Variants in HPS5 observed in about 807,000 individuals in gnomAD.
The protein encoded by HPS5 is BLOC-2 complex member HPS5.
A neutral mutation model predicts 128.0 loss-of-function variants in HPS5; 83 were observed. That is an observed-to-expected ratio of 0.65 (90% confidence interval 0.54 to 0.78). The LOEUF (loss-of-function observed/expected upper bound fraction) is 0.78. Ranked by LOEUF, HPS5 falls within the 30% of genes least tolerant of loss-of-function variation. The pLI is 0.00. For synonymous variants in HPS5, 475 were observed against 470.2 expected (o/e 1.01, Z -0.13); for missense variants, 1,281 against 1,326.2 (o/e 0.97, Z 0.53).
intron 8 of HPS5, among the ~76,000 whole-genome samples, chr11:18,302,752 G>A (rs1374203077): frequency 7.4e-6 from 1 of 134,510 alleles, no homozygotes; most frequent in African/African-American, 2.8e-5. Context: ...TAAAATGCAA[G>A]AAATGGTCAG....
At chr11:18,301,452 C>G (rs1437064204) in intron 8 of HPS5, among the ~76,000 whole-genome samples, 4 of 79,514 alleles carry the variant, frequency 5.0e-5, no homozygotes, top group Non-Finnish European at 8.7e-5. Context: ...GTGACTCTGT[C>G]TCAAAAAAAA....
rs1006174484 is a variant in HPS5, at chr11:18,311,998, T to C, written c.135A>G (p.Lys45=). The C allele has an allele frequency of 1.9e-6, 3 of 1,613,952 alleles. No homozygotes were observed. The highest frequency in any genetic ancestry group is 2.5e-6 in the Non-Finnish European group (3 of 1,179,872). The stretch of plus-strand genomic sequence containing the variant: ...CTCCTGAACTGCCCAAAGCCAACCA[T>C]TTCCGAGACACAGCTATGCTCGTGC... The part of the protein sequence containing the change: ...LKCTSIAVSR[K]WLALGSSGGG... Residue 45 remains lysine (K), a synonymous_variant, in exon 3 of 23, where the codon AAA becomes AAG. Transcript: ENST00000349215.
intron 5 of HPS5, 132 bp downstream of exon 5, chr11:18,310,609 A>T: frequency 2.7e-6 from 2 of 754,128 alleles, no homozygotes; most frequent in Non-Finnish European, 4.4e-6. Flanking sequence ...GTCTCCTCAA[A>T]ATCTCCAGGT....
At chr11:18,312,468 G>A (rs1863125033) in intron 2 of HPS5, among the ~76,000 whole-genome samples, 2 of 152,218 alleles carry the variant, frequency 1.3e-5, no homozygotes, top group Non-Finnish European at 2.9e-5. Context: ...TAGGGTAGGT[G>A]AGACTCCATC....
In HPS5 at chr11:18,297,454, A is replaced by G. The variant is rs1314918245; in HGVS notation, c.1323+105T>C. 2.8e-6 allele frequency: 3 copies of G among 1,088,372 alleles called. No homozygotes were observed. In the Admixed American group the frequency reaches 6.0e-5, roughly 22 times the overall value. 67.4% of individuals were successfully genotyped at this position (1,088,372 alleles called of 1,614,324 possible). On this transcript the variant is annotated intron_variant, in intron 11 of 22. Coordinates refer to ENST00000349215, the MANE Select transcript of HPS5 (RefSeq NM_181507.2). The stretch of plus-strand genomic sequence containing the variant: ...AGTTCACCCCTTCCCACCAAAAAAC[A>G]TAAATGGAAAGGACAACAAATTTGG...
chr11:18,302,085 C>G (rs1237890528), intron 8 of HPS5, among the ~76,000 whole-genome samples: 1 of 151,984 alleles, frequency 6.6e-6, no homozygotes, highest in Admixed American at 6.6e-5. Flanking sequence ...TAACCCCAAG[C>G]AGAAGCCAAC....
intron 1 of HPS5, among the ~76,000 whole-genome samples, chr11:18,321,156 A>T (rs943501442): frequency 3.5e-4 from 54 of 152,358 alleles, no homozygotes; most frequent in African/African-American, 1.2e-3. Flanking sequence ...AAATTTAAAA[A>T]ATATATACAT....
rs1301611688 is a variant in HPS5, at chr11:18,317,808, C to T, written c.51G>A (p.Glu17=). The change falls in exon 2 of 23, where the codon GAG becomes GAA. Residue 17 remains glutamate (E), a synonymous_variant. Coordinates refer to ENST00000349215, the MANE Select transcript of HPS5 (RefSeq NM_181507.2). ...AGAGTAATGGATCCAGAGATTCAAA[C>T]TCTGCAAGAACATGGCTGTAGGACT... The part of the protein sequence containing the change: ...IPESYSHVLA[E]FESLDPLLSA... 3 of 1,613,904 alleles carry T rather than the reference C, an allele frequency of 1.9e-6. No homozygotes were observed. Among genetic ancestry groups the T allele is most frequent in the Non-Finnish European group, 2.5e-6 (3 of 1,179,910 alleles).
intron 8 of HPS5, among the ~76,000 whole-genome samples, chr11:18,303,164 A>G (rs1564962004): frequency 6.6e-6 from 1 of 152,232 alleles, no homozygotes; most frequent in Non-Finnish European, 1.5e-5. Flanking sequence ...TGTACGAATG[A>G]AAAACATAAA....
chr11:18,285,034 A>G (rs1859524303), intron 20 of HPS5, among the ~76,000 whole-genome samples: 2 of 152,102 alleles, frequency 1.3e-5, no homozygotes. Flanking sequence ...TCTATCAATT[A>G]TAATTGGTAT....
chr11:18,288,534 G>C (rs1243247082), intron 16 of HPS5, among the ~76,000 whole-genome samples: 3 of 151,822 alleles, frequency 2.0e-5, no homozygotes, highest in African/African-American at 7.3e-5. Context: ...TTTTGGAATA[G>C]CCAAAAGTCA....
Position 18,318,410 on chromosome 11 carries a change from CA to C in HPS5, c.-49-504del, listed in dbSNP as rs1245229368. ...CACTAGACTTCTCTCTTCAACCGAG[CA>C]GGGGCTTAGTAAGTATGGTGAATGA... On this transcript the variant is annotated intron_variant, in intron 1 of 22. Transcript: ENST00000349215. Among the ~76,000 whole-genome samples, 9 of 152,134 alleles carry C rather than the reference CA, an allele frequency of 5.9e-5. No individual in the cohort carries two copies. In the East Asian group the frequency reaches 1.7e-3, roughly 29 times the overall value.
In HPS5 at chr11:18,306,101, T is replaced by G. The variant is rs7122032; in HGVS notation, c.824+34A>C. 158,184 of 1,434,014 alleles carry G rather than the reference T, an allele frequency of 0.11. 9,904 individuals are homozygous for G. The highest frequency in any genetic ancestry group is 0.19 in the Admixed American group (11,499 of 59,794). 88.8% of individuals were successfully genotyped at this position (1,434,014 alleles called of 1,614,324 possible). A position where few individuals can be genotyped will look rare whatever the true frequency, so the allele number is the denominator to read the frequency against. On this transcript the variant is annotated intron_variant, in intron 7 of 22. Coordinates refer to ENST00000349215, the MANE Select transcript of HPS5 (RefSeq NM_181507.2). ...CACCGAACCTCTATATAGAAGCTCT[T>G]CAAACAATCCCAACCAGCCATACAA... is the stretch of plus-strand genomic sequence containing the variant.
At chr11:18,315,656 T>A (rs1863540016) in intron 2 of HPS5, among the ~76,000 whole-genome samples, 4 of 151,622 alleles carry the variant, frequency 2.6e-5, no homozygotes. Context: ...AAAAGAAAGC[T>A]TCCTTCCAAA....
intron 9 of HPS5, 22 bp from the exon 10 acceptor site, chr11:18,298,992 A>G (rs759237394): frequency 1.9e-6 from 3 of 1,612,246 alleles, no homozygotes; most frequent in Non-Finnish European, 2.5e-6. Context: ...ACAGGTGTGA[A>G]CATACAAAAT....
Position 18,287,659 on chromosome 11 carries a change from G to T in HPS5, c.2593C>A (p.Arg865=). ...LYEKFGESAL[R]SLIKFFPSIL... is the part of the protein sequence containing the mutation. Reference sequence around the variant, plus strand: ...GATGGAAAGAACTTGATTAAGGATCGAAGAGCAGACTCCCCAAACTTTTCA... The same window carrying T: ...GATGGAAAGAACTTGATTAAGGATCTAAGAGCAGACTCCCCAAACTTTTCA... Residue 865 remains arginine (R), a synonymous_variant, in exon 18 of 23, where the codon CGA becomes AGA. Transcript: ENST00000349215. 1 of 1,614,136 alleles carries T rather than the reference G, an allele frequency of 6.2e-7. No individual in the cohort carries two copies. The highest frequency in any genetic ancestry group is 8.5e-7 in the Non-Finnish European group (1 of 1,180,010).
chr11:18,321,453 C>A lies in HPS5; in HGVS notation c.-50+493G>T, dbSNP rs186832423. On this transcript the variant is annotated intron_variant, in intron 1 of 22. Coordinates refer to ENST00000349215, the MANE Select transcript of HPS5 (RefSeq NM_181507.2). ...CAAAAACTAAGAACATAGAAGTTGG[C>A]GACAAATGCTTAACCAAAGTAAATG... is the stretch of plus-strand genomic sequence containing the variant. 1.7e-3 allele frequency among the ~76,000 whole-genome samples: 266 copies of A among 152,256 alleles called. 1 individual carries two copies. Among genetic ancestry groups the A allele is most frequent in the Non-Finnish European group, 3.1e-3 (213 of 68,026 alleles).
intron 22 of HPS5, among the ~76,000 whole-genome samples, chr11:18,280,146 C>T (rs1486401202): frequency 1.3e-5 from 2 of 152,074 alleles, no homozygotes; most frequent in African/African-American, 4.8e-5. Flanking sequence ...GGTTAATATC[C>T]AGAATATCAG....
In HPS5 at chr11:18,279,439, A is replaced by T. The variant is rs74602396; in HGVS notation, c.*443T>A. ...TTCAGTAATTTCCATATTGTGCCAG[A>T]CAAGATATAAAAATAATTCAACTCC... On this transcript the variant is annotated 3_prime_UTR_variant, in exon 23 of 23. Coordinates refer to ENST00000349215, the MANE Select transcript of HPS5 (RefSeq NM_181507.2). 0.024 allele frequency: 4,200 copies of T among 178,604 alleles called. 145 individuals are homozygous for T. The highest frequency in any genetic ancestry group is 0.085 in the African/African-American group (3,557 of 41,966). The allele number at this position is 178,604 out of a possible 1,614,324, so 11.1% of individuals were successfully genotyped here.
Sources: allele counts gnomAD v4.1 joint callset (sites outside exome capture counted in the v4.1 genomes callset), GRCh38; gene constraint gnomAD v4.1.1; transcripts MANE v1.5; gene names NCBI Gene and HGNC (gene_info 2026-07-23, HGNC 2026-07-21).